SPRR2G: variants seen among roughly 807,000 people sequenced by gnomAD.
The protein encoded by SPRR2G is small proline rich protein 2G.
SPRR2G carries 1 observed loss-of-function variant against 0.7 expected under a neutral mutation model. The ratio of observed to expected loss-of-function variants is 1.49; its 90% confidence interval spans 0.53 to 7.06. The LOEUF (loss-of-function observed/expected upper bound fraction) is 7.06, where lower values mean the gene tolerates loss of function less well. Ranked by LOEUF, SPRR2G falls within the 30% of genes most tolerant of loss-of-function variation. SPRR2G has a pLI of 0.14. For missense variants in SPRR2G, 96 were observed against 88.5 expected, an observed-to-expected ratio of 1.09 and a Z score of -0.34; for synonymous variants, 38 against 33.9, an observed-to-expected ratio of 1.12 and a Z score of -0.42.
chr1:153,191,489 T>A, the SPRR2G span: 4 of 152,226 alleles, frequency 2.6e-5, no homozygotes, highest in African/African-American at 9.7e-5. Context: ...TGATATTTCT[T>A]GTATTAAAAA....
chr1:153,183,325 G>A, the SPRR2G span, among the ~76,000 whole-genome samples: 1 of 151,644 alleles, frequency 6.6e-6, no homozygotes, highest in African/African-American at 2.4e-5. Context: ...AACCTCAAGT[G>A]ATCCACCCGC....
At chr1:153,173,835 A>T in the SPRR2G span, among the ~76,000 whole-genome samples, 1 of 152,146 alleles carries the variant, frequency 6.6e-6, no homozygotes, top group Non-Finnish European at 1.5e-5. Flanking sequence ...AGAATCATTT[A>T]TGCCTTGGTT....
chr1:153,157,659 TTTTGG>T, the SPRR2G span, among the ~76,000 whole-genome samples: 2 of 151,856 alleles, frequency 1.3e-5, no homozygotes, highest in Non-Finnish European at 2.9e-5. Flanking sequence ...GGTTGGTTTG[TTTTGG>T]TTTGGTTTGG....
the SPRR2G span, among the ~76,000 whole-genome samples, chr1:153,156,474 C>A: frequency 2.0e-5 from 3 of 152,178 alleles, no homozygotes; most frequent in African/African-American, 7.2e-5. Flanking sequence ...AATTTTAAGA[C>A]GCTGACATTG....
At chr1:153,176,056 CA>C in the SPRR2G span, 18 of 145,266 alleles carry the variant, frequency 1.2e-4, no homozygotes, top group Non-Finnish European at 1.1e-4. Context: ...AACTCCATCT[CA>C]AAAAAAAAAA....
chr1:153,183,058 CTT>C, the SPRR2G span, among the ~76,000 whole-genome samples: 1 of 147,940 alleles, frequency 6.8e-6, no homozygotes, highest in Non-Finnish European at 1.5e-5. Flanking sequence ...TGTTTCCTGA[CTT>C]TTTTTTTCTT....
the SPRR2G span, among the ~76,000 whole-genome samples, chr1:153,178,606 A>G: frequency 2.0e-5 from 3 of 152,158 alleles, no homozygotes; most frequent in Non-Finnish European, 2.9e-5. Context: ...TTGGTGAATT[A>G]CATTTATAAT....
chr1:153,188,278 T>C, the SPRR2G span, among the ~76,000 whole-genome samples: 1 of 152,142 alleles, frequency 6.6e-6, no homozygotes, highest in African/African-American at 2.4e-5. Flanking sequence ...AGGCAGGAAA[T>C]TTTAAGTCTG....
At chr1:153,162,233 T>A in the SPRR2G span, among the ~76,000 whole-genome samples, 1 of 152,250 alleles carries the variant, frequency 6.6e-6, no homozygotes, top group East Asian at 1.9e-4. Flanking sequence ...CATTTAGCTG[T>A]CACTTATAAG....
the SPRR2G span, among the ~76,000 whole-genome samples, chr1:153,196,404 A>C: frequency 6.6e-6 from 1 of 152,170 alleles, no homozygotes; most frequent in African/African-American, 2.4e-5. Flanking sequence ...TTTCCTTTTT[A>C]AGGCTGGATA....
At chr1:153,167,249 C>A in the SPRR2G span, among the ~76,000 whole-genome samples, 1 of 151,616 alleles carries the variant, frequency 6.6e-6, no homozygotes, top group African/African-American at 2.4e-5. Flanking sequence ...CCAAGGCAGG[C>A]GGATCACCTG....
At chr1:153,199,614 A>T in the SPRR2G span, among the ~76,000 whole-genome samples, 1 of 152,212 alleles carries the variant, frequency 6.6e-6, no homozygotes. Flanking sequence ...AATAGAGAAG[A>T]TACTCTTCTT....
chr1:153,191,992 G>A, the SPRR2G span, among the ~76,000 whole-genome samples: 602 of 152,302 alleles, frequency 4.0e-3, 9 homozygotes, highest in African/African-American at 0.013. Flanking sequence ...CAGCTAGAAA[G>A]CATCTAGTTT....
chr1:153,156,365 G>T, the SPRR2G span, among the ~76,000 whole-genome samples: 1 of 152,084 alleles, frequency 6.6e-6, no homozygotes, highest in African/African-American at 2.4e-5. Flanking sequence ...TCCTATATTT[G>T]GATACTCCAT....
chr1:153,150,252 G>A, intron 1 of SPRR2G, 121 bp from the exon 2 acceptor site: 16 of 1,410,648 alleles, frequency 1.1e-5, no homozygotes, highest in Non-Finnish European at 1.5e-5. Flanking sequence ...CAGTCTTTAT[G>A]ACTTTGTGAA....
At chr1:153,196,181 T>TAGA in the SPRR2G span, among the ~76,000 whole-genome samples, 1 of 152,252 alleles carries the variant, frequency 6.6e-6, no homozygotes, top group Non-Finnish European at 1.5e-5. Context: ...TTATTCATCT[T>TAGA]ACTTAATTAT....
the SPRR2G span, among the ~76,000 whole-genome samples, chr1:153,192,065 C>G: frequency 6.6e-6 from 1 of 152,184 alleles, no homozygotes; most frequent in Admixed American, 6.5e-5. Flanking sequence ...CCTCGGTTGT[C>G]TCCTGCAGCA....
At chr1:153,192,532 G>T in the SPRR2G span, among the ~76,000 whole-genome samples, 1 of 152,124 alleles carries the variant, frequency 6.6e-6, no homozygotes, top group African/African-American at 2.4e-5. Context: ...GATTGGGAAG[G>T]TCCCCCCAAA....
the SPRR2G span, among the ~76,000 whole-genome samples, chr1:153,198,757 G>A: frequency 6.6e-6 from 1 of 152,208 alleles, no homozygotes; most frequent in African/African-American, 2.4e-5. Context: ...AGGTACCAAA[G>A]TACATCCAAT....
Sources: gnomAD v4.1 joint callset for allele counts (sites outside exome capture counted in the v4.1 genomes callset) on GRCh38, gnomAD v4.1.1 for gene constraint, MANE v1.5 for transcripts, NCBI Gene and HGNC (gene_info 2026-07-23, HGNC 2026-07-21) for gene names.